CCDC102B: variants seen among roughly 807,000 people sequenced by gnomAD.
The protein encoded by CCDC102B is coiled-coil domain-containing protein 102B.
A neutral mutation model predicts 57.4 loss-of-function variants in CCDC102B; 75 were observed. That is an observed-to-expected ratio of 1.31 (90% CI 1.08 to 1.58). CCDC102B has a LOEUF of 1.58. CCDC102B is among the 40% of genes most tolerant of loss of function. The pLI, the probability that CCDC102B is intolerant of heterozygous loss-of-function variation, is 0.00. For synonymous variants in CCDC102B, 206 were observed against 201.9 expected, an observed-to-expected ratio of 1.02 and a Z score of -0.17; for missense variants, 636 against 582.6, an observed-to-expected ratio of 1.09 and a Z score of -0.94.
intron 6 of CCDC102B, among the ~76,000 whole-genome samples, chr18:68,912,348 C>T (rs759358131): frequency 1.3e-5 from 2 of 152,218 alleles, no homozygotes; most frequent in Non-Finnish European, 2.9e-5. Context: ...CATTCAAACT[C>T]TGTTTAATGC....
upstream of CCDC102B, among the ~76,000 whole-genome samples, chr18:68,793,129 C>G (rs985691812): frequency 5.3e-5 from 8 of 152,162 alleles, no homozygotes; most frequent in Non-Finnish European, 4.4e-5. Flanking sequence ...TCTGTGAGTT[C>G]ATGAATGCAC....
chr18:68,858,036 T>C (rs1310070474), intron 4 of CCDC102B, among the ~76,000 whole-genome samples: 1 of 152,188 alleles, frequency 6.6e-6, no homozygotes, highest in African/African-American at 2.4e-5. Context: ...TTCTCCCCAC[T>C]GTCCTCAGAA....
At chr18:68,968,521 T>C (rs2050218275) in intron 6 of CCDC102B, among the ~76,000 whole-genome samples, 1 of 152,196 alleles carries the variant, frequency 6.6e-6, no homozygotes, top group South Asian at 2.1e-4. Context: ...ATTTATCACC[T>C]TCGAAAGGTG....
intron 6 of CCDC102B, among the ~76,000 whole-genome samples, chr18:68,916,349 G>A (rs373152081): frequency 2.6e-4 from 39 of 152,276 alleles, no homozygotes; most frequent in Middle Eastern, 3.4e-3. Context: ...GGGTCAGGAT[G>A]CCACTGTCCC....
At position 69,054,981 on chromosome 18, in the gene CCDC102B, T is replaced by C. The variant is rs1246953618; in HGVS notation, c.*844T>C. 10 of 982,164 alleles carry C rather than the reference T, an allele frequency of 1.0e-5. No individual in the cohort carries two copies. Among genetic ancestry groups the C allele is most frequent in the Non-Finnish European group, 1.1e-5 (9 of 827,142 alleles). The allele number at this position is 982,164 out of a possible 1,614,324, so 60.8% of individuals were successfully genotyped here. On this transcript the variant is annotated 3_prime_UTR_variant, in exon 8 of 8. Transcript: ENST00000360242. ...ATGTACATTATAGTTTATTGCTTCA[T>C]ATTTAAGTTTAGTTTTTAAGGTAAA...
chr18:68,766,007 C>A (rs2034459059), intron 2 of CCDC102B, among the ~76,000 whole-genome samples: 1 of 151,866 alleles, frequency 6.6e-6, no homozygotes, highest in South Asian at 2.1e-4. Flanking sequence ...ACAAAATTTT[C>A]CATAAAAAAT....
At chr18:68,962,613 A>G (rs370368791) in intron 6 of CCDC102B, among the ~76,000 whole-genome samples, 2 of 152,076 alleles carry the variant, frequency 1.3e-5, no homozygotes, top group Non-Finnish European at 2.9e-5. Flanking sequence ...GTGGCATTGC[A>G]TATGTAGTAG....
At chr18:69,011,328 C>G (rs891812346) in intron 7 of CCDC102B, 5 of 474,956 alleles carry the variant, frequency 1.1e-5, no homozygotes, top group African/African-American at 2.0e-5. Flanking sequence ...TCTATAGTGT[C>G]AGTACTTCAG....
chr18:68,787,865 T>C (rs2035270183), intron 2 of CCDC102B, among the ~76,000 whole-genome samples: 1 of 151,968 alleles, frequency 6.6e-6, no homozygotes, highest in Non-Finnish European at 1.5e-5. Context: ...TCTTGCCTTC[T>C]GCTAGCTTTT....
At chr18:68,757,690 G>GA (rs572767977) in intron 2 of CCDC102B, among the ~76,000 whole-genome samples, 87 of 152,008 alleles carry the variant, frequency 5.7e-4, no homozygotes, top group Middle Eastern at 3.4e-3. Flanking sequence ...AGATTTTAAA[G>GA]AAAAAAATAA....
intron 7 of CCDC102B, among the ~76,000 whole-genome samples, chr18:69,029,788 T>C (rs375432981): frequency 2.6e-5 from 4 of 152,240 alleles, no homozygotes; most frequent in Admixed American, 6.5e-5. Flanking sequence ...GCAATGATTA[T>C]GTTCAAAGAA....
chr18:69,019,200 A>T (rs1770863971), intron 7 of CCDC102B, among the ~76,000 whole-genome samples: 1 of 152,058 alleles, frequency 6.6e-6, no homozygotes, highest in African/African-American at 2.4e-5. Flanking sequence ...GAGATCTTTT[A>T]TGTTTCCAAA....
chr18:68,750,383 G>A (rs531342270), intron 2 of CCDC102B, among the ~76,000 whole-genome samples: 18 of 152,304 alleles, frequency 1.2e-4, no homozygotes, highest in Middle Eastern at 3.4e-3. Flanking sequence ...AAGACAGTGT[G>A]GCGATTCCTC....
chr18:69,057,398 T>A (rs774161940), downstream of CCDC102B, among the ~76,000 whole-genome samples: 7 of 152,052 alleles, frequency 4.6e-5, no homozygotes, highest in Non-Finnish European at 8.8e-5. Flanking sequence ...ATCTCCTGGG[T>A]CCTGGATGTC....
At chr18:68,979,749 T>C (rs929927468) in intron 6 of CCDC102B, among the ~76,000 whole-genome samples, 1 of 151,960 alleles carries the variant, frequency 6.6e-6, no homozygotes, top group Non-Finnish European at 1.5e-5. Context: ...AAATAATAGG[T>C]GAAATGGATT....
chr18:68,849,426 C>T (rs751993818), intron 4 of CCDC102B, among the ~76,000 whole-genome samples: 11 of 151,994 alleles, frequency 7.2e-5, no homozygotes, highest in Admixed American at 1.3e-4. Flanking sequence ...TGTATCTTAT[C>T]GACTCTGCCT....
intron 2 of CCDC102B, among the ~76,000 whole-genome samples, chr18:68,759,954 A>T (rs2034200167): frequency 6.6e-6 from 1 of 152,054 alleles, no homozygotes; most frequent in South Asian, 2.1e-4. Context: ...GCATCAAAAG[A>T]CTGATCACTG....
At chr18:68,993,638 T>A (rs537698025) in intron 6 of CCDC102B, among the ~76,000 whole-genome samples, 1 of 152,348 alleles carries the variant, frequency 6.6e-6, no homozygotes, top group African/African-American at 2.4e-5. Flanking sequence ...ATTTTACAGA[T>A]GTATGTATAT....
chr18:68,947,782 G>A (rs2049582712), intron 6 of CCDC102B, among the ~76,000 whole-genome samples: 1 of 152,032 alleles, frequency 6.6e-6, no homozygotes, highest in Non-Finnish European at 1.5e-5. Context: ...GGGAAATTGT[G>A]ATTATTGTAA....
Sources: allele counts gnomAD v4.1 joint callset (sites outside exome capture counted in the v4.1 genomes callset), GRCh38; gene constraint gnomAD v4.1.1; transcripts MANE v1.5; gene names NCBI Gene and HGNC (gene_info 2026-07-23, HGNC 2026-07-21).